The following GFRA3 variants were observed in gnomAD, a reference collection of about 807,000 sequenced individuals.
GFRA3 encodes GDNF family receptor alpha 3.
A neutral mutation model predicts 40.0 loss-of-function variants in GFRA3; 24 were observed. The ratio of observed to expected loss-of-function variants is 0.60; its 90% confidence interval spans 0.43 to 0.84. The LOEUF is 0.84. GFRA3 is among the 40% of genes least tolerant of loss of function. The probability of loss-of-function intolerance (pLI) is 0.00; values close to 1 mark genes in which losing one functional copy is unlikely to be tolerated. For missense variants in GFRA3, 405 were observed against 530.6 expected, an observed-to-expected ratio of 0.76 and a Z score of 2.33; for synonymous variants, 203 against 213.5, an observed-to-expected ratio of 0.95 and a Z score of 0.43.
intron 3 of GFRA3, among the ~76,000 whole-genome samples, chr5:138,259,304 G>A (rs560301237): frequency 4.6e-5 from 7 of 152,288 alleles, no homozygotes; most frequent in South Asian, 2.1e-4. Context: ...GCAGGGGCTC[G>A]CCTTGTGGAA....
At chr5:138,267,160 C>A (rs752261108) in intron 1 of GFRA3, 60 of 169,298 alleles carry the variant, frequency 3.5e-4, no homozygotes, top group Admixed American at 1.1e-3. Flanking sequence ...TATTTTAGGA[C>A]AGCCAGCTTC....
chr5:138,263,620 A>T (rs1264667179), intron 2 of GFRA3, among the ~76,000 whole-genome samples: 1 of 152,232 alleles, frequency 6.6e-6, no homozygotes, highest in South Asian at 2.1e-4. Context: ...ACGAGAAGGG[A>T]ACATCCCAGA....
chr5:138,261,693 C>CAA (rs70979598), intron 2 of GFRA3, among the ~76,000 whole-genome samples: 14,946 of 46,090 alleles, frequency 0.32, 2,538 homozygotes, highest in Non-Finnish European at 0.42. Flanking sequence ...GACTCTGTCT[C>CAA]AAAAAAAAAA....
intron 2 of GFRA3, 110 bp downstream of exon 2, chr5:138,264,151 A>G: frequency 1.1e-6 from 1 of 894,964 alleles, no homozygotes; most frequent in Non-Finnish European, 1.7e-6. Flanking sequence ...GCAGAGCTTC[A>G]TTATCCTCCT....
intron 1 of GFRA3, among the ~76,000 whole-genome samples, chr5:138,265,345 T>C (rs1422252916): frequency 6.6e-6 from 1 of 151,562 alleles, no homozygotes; most frequent in African/African-American, 2.4e-5. Flanking sequence ...GCCTCCCGTG[T>C]AGCTGGGATT....
chr5:138,274,218 G>T, intron 1 of GFRA3, 116 bp downstream of exon 1: 1 of 1,262,542 alleles, frequency 7.9e-7, no homozygotes, highest in Non-Finnish European at 1.0e-6. Flanking sequence ...CCCCTTGTTC[G>T]GCTCGGATGC....
intron 3 of GFRA3, among the ~76,000 whole-genome samples, chr5:138,258,683 T>C (rs947257056): frequency 9.2e-5 from 14 of 152,162 alleles, no homozygotes; most frequent in African/African-American, 3.1e-4. Context: ...TTCAGAACTG[T>C]CCAAAACAGA....
At chr5:138,265,206 C>CTT (rs56317441) in intron 1 of GFRA3, among the ~76,000 whole-genome samples, 10 of 50,540 alleles carry the variant, frequency 2.0e-4, no homozygotes, top group African/African-American at 3.8e-4. Flanking sequence ...TCTAGGAGAA[C>CTT]TTTTTTTTTT....
chr5:138,253,102 G>C (rs1755572651), intron 7 of GFRA3, 45 bp from the exon 8 acceptor site: 1 of 1,104,006 alleles, frequency 9.1e-7, no homozygotes, highest in African/African-American at 1.5e-5. Context: ...ATTTTCTTTA[G>C]CCCTTTCACT....
chr5:138,263,541 G>C (rs1561651553), intron 2 of GFRA3, among the ~76,000 whole-genome samples: 2 of 152,164 alleles, frequency 1.3e-5, no homozygotes, highest in African/African-American at 2.4e-5. Flanking sequence ...CAGACGTAGT[G>C]TATATAAGAT....
chr5:138,257,765 C>T lies in GFRA3; in HGVS notation c.659G>A (p.Cys220Tyr). The T allele has an allele frequency of 6.2e-7, 1 of 1,611,266 alleles. No homozygotes were observed. The change falls in exon 4 of 8, where the codon TGT (cysteine) becomes TAT (tyrosine). Residue 220 changes from cysteine (C) to tyrosine (Y), a missense_variant. Coordinates refer to ENST00000274721, the MANE Select transcript of GFRA3 (RefSeq NM_001496.4). ...CCCGCAGCCCCGGTCGTTGGGGGCA[C>T]ATGGGCACAGTAGCAGGCCCTGCGC... ...PHAQGLLLCP[C>Y]APNDRGCGER...
At chr5:138,269,963 A>G (rs867138815) in intron 1 of GFRA3, among the ~76,000 whole-genome samples, 3 of 152,146 alleles carry the variant, frequency 2.0e-5, no homozygotes, top group South Asian at 4.1e-4. Context: ...TCATGTTTAT[A>G]GCAGCACAAT....
intron 3 of GFRA3, among the ~76,000 whole-genome samples, chr5:138,258,931 T>C (rs1027974496): frequency 6.6e-6 from 1 of 152,236 alleles, no homozygotes; most frequent in African/African-American, 2.4e-5. Flanking sequence ...GAGTTTTTCA[T>C]GCATGAAACT....
At chr5:138,264,132 A>G (rs1755748107) in intron 2 of GFRA3, 129 bp downstream of exon 2, 2 of 766,924 alleles carry the variant, frequency 2.6e-6, no homozygotes, top group African/African-American at 1.7e-5. Context: ...ACCTTTCCTG[A>G]TGTCAAATGC....
intron 1 of GFRA3, among the ~76,000 whole-genome samples, chr5:138,273,474 G>GCTGCCCTGACTTA (rs1004242903): frequency 6.6e-6 from 1 of 152,184 alleles, no homozygotes; most frequent in Admixed American, 6.5e-5. Context: ...GTGATGTCTT[G>GCTGCCCTGACTTA]CTGCCCTGAC....
chr5:138,268,965 A>T (rs905019998), intron 1 of GFRA3, among the ~76,000 whole-genome samples: 1 of 151,920 alleles, frequency 6.6e-6, no homozygotes, highest in Non-Finnish European at 1.5e-5. Flanking sequence ...AAACAATCCC[A>T]TCAAAAAGTG....
chr5:138,257,020 T>C (rs893914980), intron 4 of GFRA3, among the ~76,000 whole-genome samples: 11 of 151,738 alleles, frequency 7.2e-5, no homozygotes, highest in Non-Finnish European at 1.3e-4. Context: ...GCACTTACTC[T>C]TCACCGGTAC....
chr5:138,268,110 C>A (rs936016766), intron 1 of GFRA3, among the ~76,000 whole-genome samples: 7 of 151,790 alleles, frequency 4.6e-5, no homozygotes, highest in Admixed American at 2.0e-4. Context: ...CATGGTGAAA[C>A]CCTGTCTCTA....
chr5:138,259,255 A>AT (rs1198300559), intron 3 of GFRA3, among the ~76,000 whole-genome samples: 1 of 152,104 alleles, frequency 6.6e-6, no homozygotes, highest in Non-Finnish European at 1.5e-5. Context: ...TTTCAGCACA[A>AT]TTTTTCCTGG....
Sources: gnomAD v4.1 joint callset for allele counts (sites outside exome capture counted in the v4.1 genomes callset) on GRCh38, gnomAD v4.1.1 for gene constraint, MANE v1.5 for transcripts, NCBI Gene and HGNC (gene_info 2026-07-23, HGNC 2026-07-21) for gene names.